Variants in COL13A1 observed in about 807,000 individuals in gnomAD.
COL13A1 encodes collagen type XIII alpha 1 chain, also known as collagen alpha-1(XIII) chain.
In COL13A1, 89 loss-of-function variants were observed where a neutral mutation model predicts 130.9. That is an observed-to-expected ratio of 0.68 (90% CI 0.57 to 0.81). The LOEUF is 0.81. COL13A1 is among the 30% of genes least tolerant of loss of function. COL13A1 has a pLI of 0.00. For missense variants in COL13A1, 879 were observed against 934.6 expected (o/e 0.94, Z 0.78); for synonymous variants, 402 against 341.6 (o/e 1.18, Z -1.95).
At chr10:69,865,069 A>C (rs1477498861) in intron 2 of COL13A1, among the ~76,000 whole-genome samples, 1 of 151,086 alleles carries the variant, frequency 6.6e-6, no homozygotes, top group Non-Finnish European at 1.5e-5. Flanking sequence ...GATCAGCATG[A>C]GATATGGTGT....
rs1388840696 is a variant in COL13A1 at position 69,902,777 on chromosome 10, T to C, written c.780T>C (p.Gly260=). The change falls in exon 15 of 41, where the codon GGT becomes GGC. Residue 260 remains glycine (G), a synonymous_variant. Transcript: ENST00000645393. ...AACAGAGCCAGGCCAGCATCCAAGG[T>C]CCACCAGGGCCCCCAGGCCCCCCTG... ...QGEQSQASIQ[G]PPGPPGPPGP... 6 of 1,555,084 alleles carry C rather than the reference T, an allele frequency of 3.9e-6. No homozygotes were observed. The highest frequency in any genetic ancestry group is 5.2e-6 in the Non-Finnish European group (6 of 1,149,204).
rs1286372098 is a variant in COL13A1 at position 69,878,115 on chromosome 10, G to A, written c.462+50G>A. ...CCCTGCACCCAGCCTCCTCCTCCAG[G>A]TGGACTCTTGATGGGAGGCTCTCAG... On this transcript the variant is annotated intron_variant, in intron 6 of 40. Coordinates refer to ENST00000645393, the MANE Select transcript of COL13A1 (RefSeq NM_001368882.1). 3 of 702,310 alleles carry A rather than the reference G, an allele frequency of 4.3e-6. No individual in the cohort carries two copies. In the East Asian group the frequency reaches 8.1e-5, roughly 19 times the overall value. 43.5% of individuals were successfully genotyped at this position (702,310 alleles called of 1,614,324 possible).
At chr10:69,938,060 G>A (rs1414605643) in intron 34 of COL13A1, among the ~76,000 whole-genome samples, 1 of 152,252 alleles carries the variant, frequency 6.6e-6, no homozygotes, top group Admixed American at 6.5e-5. Context: ...TTTGGAAGTA[G>A]TGGGACAAGA....
rs778298840 is a variant in COL13A1, at chr10:69,917,286, C to A, written c.922-3C>A. 4 of 1,613,584 alleles carry A rather than the reference C, an allele frequency of 2.5e-6. No homozygotes were observed. The highest frequency in any genetic ancestry group is 3.4e-6 in the Non-Finnish European group (4 of 1,179,752). On this transcript the variant is annotated splice_region_variant and splice_polypyrimidine_tract_variant and intron_variant, in intron 17 of 40. Coordinates refer to ENST00000645393, the MANE Select transcript of COL13A1 (RefSeq NM_001368882.1). ...CCTCATGCTTTCTCATTTCTTCCTC[C>A]AGGGAGAACGGGGCATGCCAGGGAT...
chr10:69,924,963 G>T lies in COL13A1; in HGVS notation c.1285G>T (p.Gly429Trp). 4 of 1,589,816 alleles carry T rather than the reference G, an allele frequency of 2.5e-6. No individual in the cohort carries two copies. The highest frequency in any genetic ancestry group is 3.4e-6 in the Non-Finnish European group (4 of 1,168,638). ...VGPPGQPGDK[G>W]ERGAAGEQGP... ...TTGCTCCAATTTTGTCATGCAACAG[G>T]GGGAGCGTGGAGCAGCTGGAGAACA... Residue 429 changes from glycine to tryptophan, a missense_variant and splice_region_variant, in exon 25 of 41, where the codon GGG becomes TGG. Gly to Trp is a radical substitution (Grantham distance 184). Around this residue, in one of 3 missense-constraint regions of COL13A1, gnomAD observed 715 missense variants for 721.0 expected, o/e 0.99. Transcript: ENST00000645393.
chr10:69,900,651 G>T (rs80295838), intron 14 of COL13A1, among the ~76,000 whole-genome samples: 2 of 152,176 alleles, frequency 1.3e-5, no homozygotes, highest in African/African-American at 2.4e-5. Flanking sequence ...TAAACATTGG[G>T]TCTAAGATTC....
At chr10:69,853,256 T>C (rs917671231) in intron 2 of COL13A1, among the ~76,000 whole-genome samples, 1 of 152,200 alleles carries the variant, frequency 6.6e-6, no homozygotes, top group Non-Finnish European at 1.5e-5. Context: ...TTCCTATGGA[T>C]ACTGCACCCA....
intron 2 of COL13A1, among the ~76,000 whole-genome samples, chr10:69,827,665 C>A (rs1232654911): frequency 1.3e-5 from 2 of 152,224 alleles, no homozygotes; most frequent in African/African-American, 4.8e-5. Context: ...TTCTTATGAG[C>A]TGCTATTTAC....
At chr10:69,851,684 T>G (rs1854874786) in intron 2 of COL13A1, among the ~76,000 whole-genome samples, 1 of 152,196 alleles carries the variant, frequency 6.6e-6, no homozygotes, top group Admixed American at 6.5e-5. Context: ...AGATGGAGTC[T>G]CACTCTGTTG....
intron 2 of COL13A1, among the ~76,000 whole-genome samples, chr10:69,864,353 C>A (rs1436862346): frequency 6.6e-6 from 1 of 152,100 alleles, no homozygotes; most frequent in Non-Finnish European, 1.5e-5. Flanking sequence ...AATGAATCCT[C>A]CTACAGCAAA....
chr10:69,912,011 T>C (rs2063434328), intron 17 of COL13A1, among the ~76,000 whole-genome samples: 1 of 152,202 alleles, frequency 6.6e-6, no homozygotes. Context: ...AGCCTGCTAG[T>C]GCGGGGACAG....
At chr10:69,825,553 C>A (rs1377204865) in intron 2 of COL13A1, among the ~76,000 whole-genome samples, 1 of 152,190 alleles carries the variant, frequency 6.6e-6, no homozygotes, top group African/African-American at 2.4e-5. Context: ...ATCCCTCACC[C>A]CACCCCAAAT....
At chr10:69,840,268 T>C (rs1851239903) in intron 2 of COL13A1, among the ~76,000 whole-genome samples, 1 of 151,988 alleles carries the variant, frequency 6.6e-6, no homozygotes, top group Non-Finnish European at 1.5e-5. Flanking sequence ...CCTGGAGAGA[T>C]GGGGACAGGG....
intron 4 of COL13A1, 60 bp from the exon 5 acceptor site, chr10:69,875,067 TC>T: frequency 6.2e-7 from 1 of 1,609,848 alleles, no homozygotes; most frequent in African/African-American, 1.3e-5. Context: ...GCCTATAGGG[TC>T]CTTCACATGC....
chr10:69,945,797 G>A lies in COL13A1; in HGVS notation c.2022+73G>A, dbSNP rs1023447158. 1.4e-5 allele frequency: 21 copies of A among 1,547,850 alleles called. 3 individuals carry two copies. Among genetic ancestry groups the A allele is most frequent in the Middle Eastern group, 1.9e-4 (1 of 5,382 alleles). ...ATTAGAAATACCCACGGCCGGCCGG[G>A]CATGGTGGCTCACACCTGTAATCCC... On this transcript the variant is annotated intron_variant, in intron 37 of 40. Transcript: ENST00000645393.
Position 69,918,306 on chromosome 10 carries a change from G to C in COL13A1, c.988G>C (p.Ala330Pro), listed in dbSNP as rs1047597097. The C allele has an allele frequency of 6.2e-7, 1 of 1,613,220 alleles. No individual in the cohort carries two copies. The highest frequency in any genetic ancestry group is 2.2e-5 in the East Asian group (1 of 44,870). Residue 330 changes from alanine to proline, a missense_variant, in exon 19 of 41, where the codon GCT becomes CCT. Around this residue, in one of 3 missense-constraint regions of COL13A1, gnomAD observed 715 missense variants for 721.0 expected, o/e 0.99. Coordinates refer to ENST00000645393, the MANE Select transcript of COL13A1 (RefSeq NM_001368882.1). Reference protein sequence around the residue: ...GAKGAPGIAVAGMKGEPGIPG... With the variant: ...GAKGAPGIAVPGMKGEPGIPG... ...CCAGGGGGCGCCCGGAATTGCCGTG[G>C]CTGGGATGAAGGTCAGTGGACTGTT... is the stretch of plus-strand genomic sequence containing the variant.
chr10:69,943,615 G>A (rs933730649), intron 35 of COL13A1, among the ~76,000 whole-genome samples: 2 of 152,178 alleles, frequency 1.3e-5, no homozygotes, highest in African/African-American at 2.4e-5. Flanking sequence ...AGAAGGCCCC[G>A]GCCAGAGACT....
At chr10:69,841,958 C>A (rs1239985761) in intron 2 of COL13A1, among the ~76,000 whole-genome samples, 1 of 152,210 alleles carries the variant, frequency 6.6e-6, no homozygotes, top group Non-Finnish European at 1.5e-5. Flanking sequence ...AGGCTTTCAT[C>A]TTTATCCTAA....
intron 2 of COL13A1, among the ~76,000 whole-genome samples, chr10:69,864,163 AG>A (rs2133898149): frequency 6.6e-6 from 1 of 152,342 alleles, no homozygotes; most frequent in South Asian, 2.1e-4. Context: ...CACCTTAGGC[AG>A]GTTGCTTAAC....
Sources: allele counts gnomAD v4.1 joint callset (sites outside exome capture counted in the v4.1 genomes callset), GRCh38; gene constraint gnomAD v4.1.1; regional missense constraint gnomAD v4.1.1; transcripts MANE v1.5; gene names NCBI Gene and HGNC (gene_info 2026-07-23, HGNC 2026-07-21).